The following SVEP1 variants were observed in gnomAD, a reference collection of about 807,000 sequenced individuals.
The protein encoded by SVEP1 is sushi, von Willebrand factor type A, EGF and pentraxin domain-containing protein 1.
SVEP1 carries 164 observed loss-of-function variants against 367.3 expected under a neutral mutation model. That is an observed-to-expected ratio of 0.45 (90% CI 0.39 to 0.51). SVEP1 has a LOEUF of 0.51. Among genes scored for constraint, SVEP1 ranks in the 20% least tolerant of loss-of-function variants. The pLI is 0.00. For missense variants in SVEP1, 4,117 were observed against 4,425.3 expected (o/e 0.93, Z 1.98); for synonymous variants, 1,666 against 1,611.6 (o/e 1.03, Z -0.81).
intron 9 of SVEP1, among the ~76,000 whole-genome samples, chr9:110,487,866 A>C (rs2118721272): frequency 6.6e-6 from 1 of 152,302 alleles, no homozygotes; most frequent in African/African-American, 2.4e-5. Flanking sequence ...CTTGACTTTA[A>C]GCGGTGGAGA....
At chr9:110,561,753 C>T (rs1224874964) in intron 1 of SVEP1, among the ~76,000 whole-genome samples, 1 of 152,052 alleles carries the variant, frequency 6.6e-6, no homozygotes, top group Non-Finnish European at 1.5e-5. Flanking sequence ...ATGACAAAAG[C>T]ATAAACTGGA....
At chr9:110,373,996 C>T (rs1271869466) in intron 46 of SVEP1, among the ~76,000 whole-genome samples, 1 of 151,938 alleles carries the variant, frequency 6.6e-6, no homozygotes, top group African/African-American at 2.4e-5. Context: ...TTCCTTTAAA[C>T]TTTTTTTTAA....
At chr9:110,503,655 C>T (rs1461389019) in intron 5 of SVEP1, among the ~76,000 whole-genome samples, 9 of 152,182 alleles carry the variant, frequency 5.9e-5, no homozygotes, top group Non-Finnish European at 1.3e-4. Flanking sequence ...ACCTCATGGG[C>T]ATATCCTAGG....
At chr9:110,544,519 A>G (rs951629947) in intron 3 of SVEP1, among the ~76,000 whole-genome samples, 7 of 152,232 alleles carry the variant, frequency 4.6e-5, no homozygotes, top group African/African-American at 1.7e-4. Flanking sequence ...CAAGATTCCT[A>G]AGTTTCCTTT....
At chr9:110,405,114 G>A (rs1297126461) in intron 38 of SVEP1, among the ~76,000 whole-genome samples, 1 of 152,138 alleles carries the variant, frequency 6.6e-6, no homozygotes, top group African/African-American at 2.4e-5. Flanking sequence ...ATTACTTTAA[G>A]TGTTTTTGAT....
rs1188703484 is a variant in SVEP1 at position 110,443,281 on chromosome 9, C to T, written c.4639+264G>A. ...TTAATCTCCTTAGAAGACAGTTTAG[C>T]AACCAGCTGCTAATTCAGCATGCTT... On this transcript the variant is annotated intron_variant, in intron 27 of 47. Transcript: ENST00000374469. 10 of 356,462 alleles carry T rather than the reference C, an allele frequency of 2.8e-5. No homozygotes were observed. The Admixed American group carries it at 3.7e-4, about 13-fold the overall frequency. The allele number at this position is 356,462 out of a possible 1,614,324, so 22.1% of individuals were successfully genotyped here. A position where few individuals can be genotyped will look rare whatever the true frequency, so the allele number is the denominator to read the frequency against.
At chr9:110,459,849 T>C (rs893295375) in intron 18 of SVEP1, among the ~76,000 whole-genome samples, 9 of 152,144 alleles carry the variant, frequency 5.9e-5, no homozygotes, top group Admixed American at 3.9e-4. Context: ...TGATGATAAA[T>C]GAAGTTGCTT....
intron 17 of SVEP1, among the ~76,000 whole-genome samples, chr9:110,468,421 C>T (rs529704496): frequency 3.9e-5 from 6 of 152,270 alleles, no homozygotes; most frequent in South Asian, 4.1e-4. Context: ...TATTTCAAGC[C>T]GAAGGAAATT....
At chr9:110,567,502 A>G (rs1256165909) in intron 1 of SVEP1, among the ~76,000 whole-genome samples, 1 of 152,234 alleles carries the variant, frequency 6.6e-6, no homozygotes, top group Non-Finnish European at 1.5e-5. Flanking sequence ...GTGAAAGGAA[A>G]TAAAGAAAAA....
intron 24 of SVEP1, 58 bp downstream of exon 24, chr9:110,450,001 A>T (rs1286003045): frequency 6.3e-7 from 1 of 1,576,044 alleles, no homozygotes; most frequent in African/African-American, 1.4e-5. Flanking sequence ...AAGGCTGCAG[A>T]ATCACTGAAT....
At chr9:110,470,696 A>T (rs374146198) in intron 16 of SVEP1, among the ~76,000 whole-genome samples, 70 of 151,834 alleles carry the variant, frequency 4.6e-4, no homozygotes, top group African/African-American at 1.3e-3. Context: ...TTGGCCTCCC[A>T]AAGTGCTGGG....
chr9:110,366,981 T>C (rs759113099), intron 47 of SVEP1, among the ~76,000 whole-genome samples: 4 of 152,346 alleles, frequency 2.6e-5, no homozygotes, highest in Non-Finnish European at 4.4e-5. Context: ...TCTGAACAAC[T>C]GAATTATCTG....
At chr9:110,371,150 G>A (rs1030294646) in intron 46 of SVEP1, among the ~76,000 whole-genome samples, 2 of 152,132 alleles carry the variant, frequency 1.3e-5, no homozygotes, top group African/African-American at 4.8e-5. Context: ...ACACTTATTA[G>A]CAATCTAATG....
chr9:110,549,847 A>G lies in SVEP1; in HGVS notation c.787+2T>C, dbSNP rs186796584. Reference sequence around the variant, plus strand: ...TTTGTGATGCCATTAGGTTTCCATTACCTTCATGCAATGCCCGGCGAGCTA... The same window carrying G: ...TTTGTGATGCCATTAGGTTTCCATTGCCTTCATGCAATGCCCGGCGAGCTA... On this transcript the variant is annotated splice_donor_variant, in intron 2 of 47. Coordinates refer to ENST00000374469, the MANE Select transcript of SVEP1 (RefSeq NM_153366.4). LOFTEE classifies it high-confidence loss of function. The G allele has an allele frequency of 6.2e-7, 1 of 1,613,528 alleles. No homozygotes were observed. The highest frequency in any genetic ancestry group is 1.3e-5 in the African/African-American group (1 of 75,030).
At chr9:110,380,151 CCT>C (rs1827412899) in intron 43 of SVEP1, among the ~76,000 whole-genome samples, 1 of 152,102 alleles carries the variant, frequency 6.6e-6, no homozygotes, top group Non-Finnish European at 1.5e-5. Context: ...GGATGACAAT[CCT>C]CTCTTTTAAA....
At chr9:110,497,085 C>T (rs183504157) in intron 7 of SVEP1, among the ~76,000 whole-genome samples, 152 bp from the exon 8 acceptor site, 29 of 152,320 alleles carry the variant, frequency 1.9e-4, no homozygotes, top group Non-Finnish European at 3.4e-4. Flanking sequence ...CACCTGCTTT[C>T]CTGATCATTT....
At chr9:110,550,478 T>TTATCTATCTATCTATC (rs10550734) in intron 1 of SVEP1, among the ~76,000 whole-genome samples, 22 of 148,958 alleles carry the variant, frequency 1.5e-4, no homozygotes, top group East Asian at 7.9e-4. Flanking sequence ...ATTCCACAAA[T>TTATCTATCTATCTATC]TATCTATCTA....
In SVEP1 at chr9:110,533,594, C is replaced by CTGCGTG. The variant is rs1554721744; in HGVS notation, c.964+12520_964+12521insCACGCA. Among the ~76,000 whole-genome samples the CTGCGTG allele has an allele frequency of 4.8e-5, 7 of 146,708 alleles. No individual in the cohort carries two copies. In the East Asian group the frequency reaches 1.6e-3, roughly 33 times the overall value. ...ACCCGGGGTTACTATCTCTGTGTGT[C>CTGCGTG]TGTGTGTGTGTGTGCACGCACACGT... On this transcript the variant is annotated intron_variant, in intron 3 of 47. Coordinates refer to ENST00000374469, the MANE Select transcript of SVEP1 (RefSeq NM_153366.4).
chr9:110,431,522 T>C (rs2118555537), intron 32 of SVEP1, among the ~76,000 whole-genome samples: 1 of 152,268 alleles, frequency 6.6e-6, no homozygotes, highest in South Asian at 2.1e-4. Flanking sequence ...TTCAATGATA[T>C]AATTTTATGT....
Sources: gnomAD v4.1 joint callset for allele counts (sites outside exome capture counted in the v4.1 genomes callset) on GRCh38, gnomAD v4.1.1 for gene constraint, MANE v1.5 for transcripts, NCBI Gene and HGNC (gene_info 2026-07-23, HGNC 2026-07-21) for gene names.